PARVB: variants seen among roughly 807,000 people sequenced by gnomAD.
PARVB encodes the protein beta-parvin.
PARVB carries 46 observed loss-of-function variants against 47.0 expected under a neutral mutation model. That is an observed-to-expected ratio of 0.98 (90% CI 0.77 to 1.25). PARVB has a LOEUF of 1.25. Ranked by LOEUF, PARVB falls within the 50% of genes most tolerant of loss-of-function variation. The probability of loss-of-function intolerance (pLI) is 0.00; values close to 1 mark genes in which losing one functional copy is unlikely to be tolerated. For missense variants in PARVB, 473 were observed against 471.6 expected, an observed-to-expected ratio of 1.00 and a Z score of -0.03; for synonymous variants, 196 against 196.3, an observed-to-expected ratio of 1.00 and a Z score of 0.01.
chr22:44,150,934 AATG>A (rs1190721821), intron 9 of PARVB: 2 of 150,502 alleles, frequency 1.3e-5, no homozygotes, highest in Non-Finnish European at 2.9e-5. Flanking sequence ...GAGGCAGGAG[AATG>A]ATGTGAACCC....
At chr22:44,120,894 A>G (rs1430482253) in intron 4 of PARVB, among the ~76,000 whole-genome samples, 1 of 150,882 alleles carries the variant, frequency 6.6e-6, no homozygotes, top group Non-Finnish European at 1.5e-5. Context: ...CCCAGGCTGG[A>G]GTGCAGTGGT....
chr22:44,014,223 G>C (rs1232948862), intron 2 of PARVB, among the ~76,000 whole-genome samples: 2 of 152,220 alleles, frequency 1.3e-5, no homozygotes, highest in Non-Finnish European at 2.9e-5. Context: ...GATTCTCCAA[G>C]GCAAGAGTGT....
At chr22:44,126,268 C>T (rs1749164062) in intron 4 of PARVB, among the ~76,000 whole-genome samples, 1 of 152,118 alleles carries the variant, frequency 6.6e-6, no homozygotes, top group African/African-American at 2.4e-5. Context: ...GTGAGAATCC[C>T]CATCTTAGAA....
chr22:44,116,622 C>T (rs1353080157), intron 3 of PARVB, among the ~76,000 whole-genome samples: 1 of 152,214 alleles, frequency 6.6e-6, no homozygotes, highest in East Asian at 1.9e-4. Context: ...CACAGACAAG[C>T]CGGTCATAGC....
chr22:44,076,156 G>A (rs1206424283), intron 1 of PARVB, among the ~76,000 whole-genome samples: 1 of 152,244 alleles, frequency 6.6e-6, no homozygotes, highest in Non-Finnish European at 1.5e-5. Flanking sequence ...TAGGCCTGTT[G>A]TGAGTTTCTC....
chr22:44,016,480 A>G (rs1022862410), intron 2 of PARVB, among the ~76,000 whole-genome samples: 6 of 152,162 alleles, frequency 3.9e-5, no homozygotes, highest in African/African-American at 7.2e-5. Flanking sequence ...GCTGTGAGAC[A>G]ATGAATCTCG....
At chr22:44,096,624 T>C (rs1399190424) in intron 2 of PARVB, among the ~76,000 whole-genome samples, 1 of 152,148 alleles carries the variant, frequency 6.6e-6, no homozygotes, top group Non-Finnish European at 1.5e-5. Context: ...GAGGCACAGA[T>C]CTAAGATCAC....
chr22:44,154,964 G>A (rs2053895977), intron 10 of PARVB, among the ~76,000 whole-genome samples: 1 of 136,084 alleles, frequency 7.3e-6, no homozygotes, highest in Non-Finnish European at 1.5e-5. Context: ...TGTGGTTTTT[G>A]TAGTCTGTGT....
intron 1 of PARVB, among the ~76,000 whole-genome samples, chr22:44,059,039 C>CTTTTTTT (rs11296450): frequency 4.1e-5 from 3 of 73,072 alleles, no homozygotes; most frequent in Non-Finnish European, 4.7e-5. Flanking sequence ...CACCCTGTGG[C>CTTTTTTT]TTTTTTTTTT....
Position 44,168,968 on chromosome 22 carries a change from A to G in PARVB, c.*290A>G. On this transcript the variant is annotated 3_prime_UTR_variant, in exon 13 of 13. Transcript: ENST00000338758. ...TCGCGTCACTCAGTCGCGTGGGATGATGAGTCCGTTGTTGTCTGCCTTGGC... is the reference window on the plus strand; with the variant it reads ...TCGCGTCACTCAGTCGCGTGGGATGGTGAGTCCGTTGTTGTCTGCCTTGGC... 2.9e-6 allele frequency: 1 copy of G among 346,508 alleles called. No individual in the cohort carries two copies. Among genetic ancestry groups the G allele is most frequent in the South Asian group, 3.6e-5 (1 of 27,484 alleles). 21.5% of individuals were successfully genotyped at this position (346,508 alleles called of 1,614,324 possible).
At chr22:44,048,937 A>G (rs569916509) in intron 1 of PARVB, among the ~76,000 whole-genome samples, 2 of 152,208 alleles carry the variant, frequency 1.3e-5, no homozygotes, top group Admixed American at 1.3e-4. Flanking sequence ...TGATCTGTCC[A>G]CTTTGGCCTC....
In PARVB at chr22:43,999,834, GAAAAAAAAA is replaced by G. The variant is rs113458130; in HGVS notation, c.211+177_211+185del. Among the ~76,000 whole-genome samples, 687 of 69,384 alleles carry G rather than the reference GAAAAAAAAA, an allele frequency of 9.9e-3. 13 individuals are homozygous for G. The highest frequency in any genetic ancestry group is 0.032 in the African/African-American group (658 of 20,810). The allele number at this position is 69,384 out of a possible 152,430, so 45.5% of individuals were successfully genotyped here. On this transcript the variant is annotated intron_variant, in intron 2 of 13. Coordinates refer to the PARVB transcript ENST00000406477. ...CAACATAGTGAAAACCCATCTATAT[GAAAAAAAAA>G]AAAAAAAAAAAAAAACAGCTGGGTG...
At chr22:44,091,823 C>T (rs375792723) in intron 1 of PARVB, among the ~76,000 whole-genome samples, 2 of 152,210 alleles carry the variant, frequency 1.3e-5, no homozygotes, top group East Asian at 1.9e-4. Context: ...CTCTGATACT[C>T]CTGCATCAGG....
At chr22:44,165,407 T>C (rs5764106) in intron 12 of PARVB, among the ~76,000 whole-genome samples, 52,392 of 152,040 alleles carry the variant, frequency 0.34, 10,158 homozygotes, top group East Asian at 0.71. Flanking sequence ...TCAAAGCACA[T>C]GTCCAGCAGG....
rs190966305 is a variant in PARVB at position 44,012,235 on chromosome 22, C to T, written c.211+12562C>T. Among the ~76,000 whole-genome samples, 124 of 152,312 alleles carry T rather than the reference C, an allele frequency of 8.1e-4. 1 individual carries two copies. Among genetic ancestry groups the T allele is most frequent in the African/African-American group, 2.9e-3 (119 of 41,568 alleles). ...GGGAACAAAACGCATATGTGGTTTA[C>T]TCTGCCTGGTATGCAAAAAGAGAAC... On this transcript the variant is annotated intron_variant, in intron 2 of 13. Transcript: ENST00000406477.
chr22:44,101,063 C>T (rs2052432202), intron 3 of PARVB, among the ~76,000 whole-genome samples: 1 of 152,266 alleles, frequency 6.6e-6, no homozygotes, highest in South Asian at 2.1e-4. Flanking sequence ...ACTGTGTTTT[C>T]ATGAGGGCTC....
At position 44,024,362 on chromosome 22, in the gene PARVB, C is replaced by A. The variant is rs2050693006; in HGVS notation, c.23C>A (p.Pro8His). ...CCCATGTCCTCCGCGCCGCGCTCGC[C>A]CACCCCGCGGCCCCGCAGGATGAAG... MSSAPRSPTPRPRRMKKD... is the reference protein window; with the variant it reads MSSAPRSHTPRPRRMKKD... The change falls in exon 1 of 13, where the codon CCC becomes CAC. Residue 8 changes from proline to histidine, a missense_variant. Transcript: ENST00000338758. 3.4e-6 allele frequency: 4 copies of A among 1,163,304 alleles called. No homozygotes were observed. In the East Asian group the frequency reaches 1.9e-4, roughly 56 times the overall value. 72.1% of individuals were successfully genotyped at this position (1,163,304 alleles called of 1,614,324 possible).
rs151127522 is a variant in PARVB at position 44,140,137 on chromosome 22, C to A, written c.706C>A (p.Arg236=). The part of the protein sequence containing the change: ...LTTTTEMMMG[R]FERDAFDTLF... ...TCTTGTTTGCAGGATGATGATGGGC[C>A]GGTTCGGTAAGTAACCCCAGGGAAA... The change falls in exon 8 of 13, where the codon CGG becomes AGG. Residue 236 remains arginine, a synonymous_variant. Coordinates refer to ENST00000338758, the MANE Select transcript of PARVB (RefSeq NM_013327.5). The A allele has an allele frequency of 5.3e-4, 856 of 1,613,978 alleles. 4 individuals are homozygous for A. The African/African-American group carries it at 9.9e-3, about 19-fold the overall frequency.
At chr22:44,065,796 C>T (rs779555693) in intron 1 of PARVB, among the ~76,000 whole-genome samples, 1 of 151,948 alleles carries the variant, frequency 6.6e-6, no homozygotes, top group African/African-American at 2.4e-5. Flanking sequence ...CAGGTTACTG[C>T]GAATATCATT....
Sources: gnomAD v4.1 joint callset for allele counts (sites outside exome capture counted in the v4.1 genomes callset) on GRCh38, gnomAD v4.1.1 for gene constraint, MANE v1.5 for transcripts, NCBI Gene and HGNC (gene_info 2026-07-23, HGNC 2026-07-21) for gene names.